KIF26B: variants seen among roughly 807,000 people sequenced by gnomAD.
The protein encoded by KIF26B is kinesin family member 26B.
A neutral mutation model predicts 151.2 loss-of-function variants in KIF26B; 63 were observed. That is an observed-to-expected ratio of 0.42 (90% CI 0.34 to 0.51). KIF26B has a LOEUF of 0.51. Among genes scored for constraint, KIF26B ranks in the 20% least tolerant of loss-of-function variants. The pLI, the probability that KIF26B is intolerant of heterozygous loss-of-function variation, is 0.07. For missense variants in KIF26B, 2,813 were observed against 2,913.6 expected (o/e 0.97, Z 0.79); for synonymous variants, 1,357 against 1,262.1 (o/e 1.08, Z -1.59).
intron 2 of KIF26B, among the ~76,000 whole-genome samples, chr1:245,224,882 A>G (rs4634943): frequency 0.024 from 3,718 of 152,350 alleles, 90 homozygotes; most frequent in East Asian, 0.094. Context: ...AACCTTTAAG[A>G]AACTACCACT....
intron 2 of KIF26B, among the ~76,000 whole-genome samples, chr1:245,350,241 G>T (rs1672537213): frequency 6.6e-6 from 1 of 151,992 alleles, no homozygotes; most frequent in Non-Finnish European, 1.5e-5. Flanking sequence ...CTGGTCAATG[G>T]CCACATGAAG....
intron 2 of KIF26B, among the ~76,000 whole-genome samples, chr1:245,302,953 T>C (rs867741451): frequency 5.8e-5 from 7 of 120,650 alleles, no homozygotes; most frequent in South Asian, 2.6e-4. Flanking sequence ...CGTGCCATTG[T>C]ACTCCAGCCT....
chr1:245,593,166 G>A (rs1032407707), intron 5 of KIF26B, among the ~76,000 whole-genome samples: 1 of 152,082 alleles, frequency 6.6e-6, no homozygotes, highest in Non-Finnish European at 1.5e-5. Flanking sequence ...TAAAACCTGG[G>A]TTTGTTTTTT....
At chr1:245,500,565 G>A (rs566383943) in intron 4 of KIF26B, among the ~76,000 whole-genome samples, 59 of 152,210 alleles carry the variant, frequency 3.9e-4, no homozygotes, top group Non-Finnish European at 6.6e-4. Flanking sequence ...GGTGCCTGAA[G>A]CAAATTGGCA....
chr1:245,691,230 A>G (rs1431794427), intron 12 of KIF26B, among the ~76,000 whole-genome samples: 2 of 151,456 alleles, frequency 1.3e-5, no homozygotes, highest in Non-Finnish European at 2.9e-5. Flanking sequence ...TGATGGAAAA[A>G]CAAACGTGTG....
At chr1:245,192,288 A>G (rs1669123246) in intron 2 of KIF26B, among the ~76,000 whole-genome samples, 2 of 152,130 alleles carry the variant, frequency 1.3e-5, no homozygotes, top group Non-Finnish European at 2.9e-5. Context: ...GTGATAAAAA[A>G]GCAGGATATA....
In KIF26B at chr1:245,265,062, C is replaced by T. The variant is rs191224627; in HGVS notation, c.466-101772C>T. ...AAAATACAAAAAAAAATTAGCCAGG[C>T]GTGGTGGCTGGCGCCTGTAGTCCCA... On this transcript the variant is annotated intron_variant, in intron 2 of 14. Transcript: ENST00000407071. 4.4e-3 allele frequency among the ~76,000 whole-genome samples: 666 copies of T among 149,730 alleles called. 1 individual carries two copies. The highest frequency in any genetic ancestry group is 7.6e-3 in the Non-Finnish European group (514 of 67,392).
intron 2 of KIF26B, among the ~76,000 whole-genome samples, chr1:245,275,879 G>C (rs1247862728): frequency 6.6e-6 from 1 of 152,166 alleles, no homozygotes; most frequent in Non-Finnish European, 1.5e-5. Context: ...ATTTGGGAAA[G>C]TCTTTATTCT....
At chr1:245,183,595 T>G (rs1015139163) in intron 2 of KIF26B, among the ~76,000 whole-genome samples, 1 of 152,218 alleles carries the variant, frequency 6.6e-6, no homozygotes, top group Non-Finnish European at 1.5e-5. Context: ...GGCCGTCACA[T>G]GCTGGGTAGA....
At chr1:245,697,617 G>A (rs2044712168) in intron 12 of KIF26B, among the ~76,000 whole-genome samples, 1 of 152,134 alleles carries the variant, frequency 6.6e-6, no homozygotes, top group Non-Finnish European at 1.5e-5. Context: ...CCCAAGTGTT[G>A]GTTTAGGGGA....
chr1:245,392,225 C>T (rs1413311981), intron 3 of KIF26B, among the ~76,000 whole-genome samples: 1 of 152,194 alleles, frequency 6.6e-6, no homozygotes, highest in Admixed American at 6.5e-5. Context: ...TTCGCCACCA[C>T]CCACCCCAAT....
intron 10 of KIF26B, among the ~76,000 whole-genome samples, chr1:245,655,572 T>G (rs1047835477): frequency 6.6e-6 from 1 of 152,192 alleles, no homozygotes; most frequent in South Asian, 2.1e-4. Flanking sequence ...AGTCATGATG[T>G]AAGGAGGCAA....
chr1:245,623,043 TTTTTTTTTTG>T, intron 9 of KIF26B, among the ~76,000 whole-genome samples: 1 of 149,476 alleles, frequency 6.7e-6, no homozygotes, highest in Non-Finnish European at 1.5e-5. Flanking sequence ...TTTTTTTTTT[TTTTTTTTTTG>T]TTGTTTTTTA....
chr1:245,672,360 A>G (rs1396931431), intron 10 of KIF26B, among the ~76,000 whole-genome samples: 1 of 152,212 alleles, frequency 6.6e-6, no homozygotes, highest in Non-Finnish European at 1.5e-5. Context: ...CAGAAAGGCC[A>G]CGGCACAGGG....
At chr1:245,464,508 CATGTGTGG>C (rs1388961558) in intron 4 of KIF26B, among the ~76,000 whole-genome samples, 1 of 134,524 alleles carries the variant, frequency 7.4e-6, no homozygotes, top group Non-Finnish European at 1.6e-5. Flanking sequence ...TGGGCGTGTG[CATGTGTGG>C]ATGTGTGGCA....
intron 2 of KIF26B, among the ~76,000 whole-genome samples, chr1:245,356,551 T>C (rs932073957): frequency 3.9e-5 from 6 of 151,960 alleles, no homozygotes; most frequent in Non-Finnish European, 8.8e-5. Flanking sequence ...AGTGAGACTC[T>C]GTCTCAAAAG....
intron 3 of KIF26B, among the ~76,000 whole-genome samples, chr1:245,405,257 G>T (rs900135421): frequency 3.3e-5 from 5 of 152,128 alleles, no homozygotes; most frequent in Non-Finnish European, 7.4e-5. Flanking sequence ...ATGGAGTAAG[G>T]GATCCGAACC....
At position 245,492,830 on chromosome 1, in the gene KIF26B, G is replaced by A. The variant is rs182777697; in HGVS notation, c.1167-47937G>A. On this transcript the variant is annotated intron_variant, in intron 4 of 14. Coordinates refer to ENST00000407071, the MANE Select transcript of KIF26B (RefSeq NM_018012.4). Reference sequence around the variant, plus strand: ...GAGTCTTGCTCTGTCGCCCAGGCTGGAGTGCAGTGGCGTGATCTTGGCTCA... The same window carrying A: ...GAGTCTTGCTCTGTCGCCCAGGCTGAAGTGCAGTGGCGTGATCTTGGCTCA... 5.4e-4 allele frequency among the ~76,000 whole-genome samples: 82 copies of A among 152,162 alleles called. No individual in the cohort carries two copies. The East Asian group carries it at 8.5e-3, about 16-fold the overall frequency.
intron 12 of KIF26B, among the ~76,000 whole-genome samples, chr1:245,694,927 G>A (rs780721141): frequency 1.3e-5 from 2 of 152,188 alleles, no homozygotes; most frequent in Non-Finnish European, 2.9e-5. Context: ...AAGCAGAAGG[G>A]AGCCCAACCC....
Sources: gnomAD v4.1 joint callset for allele counts (sites outside exome capture counted in the v4.1 genomes callset) on GRCh38, gnomAD v4.1.1 for gene constraint, MANE v1.5 for transcripts, NCBI Gene and HGNC (gene_info 2026-07-23, HGNC 2026-07-21) for gene names.